The following EP400 variants were observed in gnomAD, a reference collection of about 807,000 sequenced individuals.
EP400 encodes the protein E1A binding protein p400.
EP400 carries 105 observed loss-of-function variants against 354.1 expected under a neutral mutation model. That is an observed-to-expected ratio of 0.30 (90% confidence interval 0.25 to 0.35). The LOEUF (loss-of-function observed/expected upper bound fraction) is 0.35. Ranked by LOEUF, EP400 falls within the 10% of genes least tolerant of loss-of-function variation. The pLI is 1.00. For synonymous variants in EP400, 1,646 were observed against 1,716.9 expected, an observed-to-expected ratio of 0.96 and a Z score of 1.02; for missense variants, 3,280 against 4,121.0, an observed-to-expected ratio of 0.80 and a Z score of 5.59.
chr12:132,017,483 T>C lies in EP400; in HGVS notation c.3924-52T>C, dbSNP rs929246820. On this transcript the variant is annotated intron_variant, in intron 19 of 52. Coordinates refer to ENST00000389561, the MANE Select transcript of EP400 (RefSeq NM_015409.5). The surrounding 1 kb of genome is among the most constrained non-coding windows in gnomAD (Gnocchi z 5.0). ...ACAGTCGATGGTGAGGGTGGGACTATGTCCATGTGCCGTTTGGATTGAATG... is the reference window on the plus strand; with the variant it reads ...ACAGTCGATGGTGAGGGTGGGACTACGTCCATGTGCCGTTTGGATTGAATG... 6.3e-6 allele frequency: 10 copies of C among 1,588,470 alleles called. No individual in the cohort carries two copies. In the Admixed American group the frequency reaches 8.7e-5, roughly 14 times the overall value.
At chr12:131,989,918 C>T (rs755908781) in intron 7 of EP400, 46 bp from the exon 8 acceptor site, 8 of 1,585,880 alleles carry the variant, frequency 5.0e-6, no homozygotes, top group Admixed American at 2.0e-5. Context: ...TTTTTTCCAG[C>T]ATGACATAGA....
At chr12:132,049,183 G>A (rs984084379) in intron 39 of EP400, among the ~76,000 whole-genome samples, 2 of 152,220 alleles carry the variant, frequency 1.3e-5, no homozygotes, top group Non-Finnish European at 2.9e-5. Flanking sequence ...CATGCGGGGC[G>A]GGGCATTCAT....
Position 132,055,173 on chromosome 12 carries a change from C to T in EP400, c.7849C>T (p.Arg2617Cys), listed in dbSNP as rs767424945. ...PAATFQSINK[R>C]LASPVAPGAL... ...TGCCACCTTCCAGTCCATCAACAAG[C>T]GCCTGGCGTCGCCAGTGGCTCCTGG... Residue 2617 changes from arginine to cysteine, a missense_variant, in exon 45 of 53, where the codon CGC becomes TGC. Arg to Cys is a radical substitution (Grantham distance 180, BLOSUM62 -3). Coordinates refer to ENST00000389561, the MANE Select transcript of EP400 (RefSeq NM_015409.5). The T allele has an allele frequency of 1.0e-5, 16 of 1,581,580 alleles. No homozygotes were observed. The highest frequency in any genetic ancestry group is 3.7e-5 in the Admixed American group (2 of 54,134).
chr12:131,982,174 C>G lies in EP400; in HGVS notation c.1625C>G (p.Pro542Arg). The G allele has an allele frequency of 6.2e-7, 1 of 1,611,644 alleles. No homozygotes were observed. The highest frequency in any genetic ancestry group is 1.1e-5 in the South Asian group (1 of 90,966). The change falls in exon 5 of 53, where the codon CCT becomes CGT. Residue 542 changes from proline (P) to arginine (R), a missense_variant. Pro to Arg is a moderately radical substitution (Grantham distance 103, BLOSUM62 -2). Transcript: ENST00000389561. Reference sequence around the variant, plus strand: ...CAGCAGTATGACCCCTCCACGGGGCCTCCCGTGCAGAACGCTGCCAGCTTG... The same window carrying G: ...CAGCAGTATGACCCCTCCACGGGGCGTCCCGTGCAGAACGCTGCCAGCTTG... ...SQQQYDPSTG[P>R]PVQNAASLHT...
intron 52 of EP400, 33 bp from the exon 53 acceptor site, chr12:132,077,368 G>A (rs754620033): frequency 6.3e-7 from 1 of 1,592,570 alleles, no homozygotes; most frequent in Non-Finnish European, 8.6e-7. Context: ...GAGTTTCCTG[G>A]GCAATGTGTG....
chr12:132,074,121 C>T (rs1244504911), intron 51 of EP400, among the ~76,000 whole-genome samples: 1 of 151,810 alleles, frequency 6.6e-6, no homozygotes, highest in Non-Finnish European at 1.5e-5. Context: ...GGTGGGGTTT[C>T]ACCATGTTGG....
At chr12:131,951,783 T>C (rs1891509095) in intron 1 of EP400, among the ~76,000 whole-genome samples, 2 of 150,448 alleles carry the variant, frequency 1.3e-5, no homozygotes, top group Admixed American at 1.3e-4. Context: ...TTTGTATTGT[T>C]TGTTTGTTTT....
chr12:132,006,309 C>G lies in EP400; in HGVS notation c.3126+7C>G, dbSNP rs538322671. On this transcript the variant is annotated splice_region_variant and intron_variant, in intron 14 of 52. Coordinates refer to ENST00000389561, the MANE Select transcript of EP400 (RefSeq NM_015409.5). ...TGCTCGGGTCACAACCTCGGTGAGG[C>G]GCTAAGCTTTCAAGTGTGGGATGGG... The G allele has an allele frequency of 1.6e-5, 26 of 1,613,126 alleles. No homozygotes were observed. The East Asian group carries it at 3.3e-4, about 21-fold the overall frequency.
At chr12:132,014,218 T>G (rs182678493) in intron 19 of EP400, among the ~76,000 whole-genome samples, 11 of 152,322 alleles carry the variant, frequency 7.2e-5, no homozygotes, top group Admixed American at 3.9e-4. Flanking sequence ...AATTTTAGTT[T>G]CCATTCATCC....
In EP400 at chr12:131,990,291, T is replaced by G. The variant is rs1207357462; in HGVS notation, c.2550+187T>G. Among the ~76,000 whole-genome samples the G allele has an allele frequency of 6.6e-6, 1 of 152,188 alleles. No individual in the cohort carries two copies. Among genetic ancestry groups the G allele is most frequent in the African/African-American group, 2.4e-5 (1 of 41,446 alleles). ...GAGCTGCTCGTGCCTCCGTCTGTCT[T>G]GCACAGGGGATGCACCTCAGCTGTG... On this transcript the variant is annotated intron_variant, in intron 8 of 52. Coordinates refer to ENST00000389561, the MANE Select transcript of EP400 (RefSeq NM_015409.5). This position sits in a 1 kb window ranked among gnomAD's most constrained non-coding sequence, Gnocchi z 4.2.
At chr12:132,034,498 A>G (rs760266681) in intron 30 of EP400, among the ~76,000 whole-genome samples, 1 of 152,194 alleles carries the variant, frequency 6.6e-6, no homozygotes, top group Non-Finnish European at 1.5e-5. Context: ...GGTGGTGCCA[A>G]TGTGCTTGCA....
chr12:132,064,707 C>CT lies in EP400; in HGVS notation c.8374_8375insT (p.Pro2792LeufsTer191). 6.2e-7 allele frequency: 1 copy of CT among 1,613,234 alleles called. No homozygotes were observed. The highest frequency in any genetic ancestry group is 8.5e-7 in the Non-Finnish European group (1 of 1,179,480). On this transcript the variant is annotated frameshift_variant, in exon 48 of 53. Coordinates refer to ENST00000389561, the MANE Select transcript of EP400 (RefSeq NM_015409.5). LOFTEE classifies it high-confidence loss of function. Reference sequence around the variant, plus strand: ...AATGCAGAAGCAGAAACTGCAGATGCCCCCGCAGCCCCCACCGCCACAGGC... The same window carrying CT: ...AATGCAGAAGCAGAAACTGCAGATGCTCCCCGCAGCCCCCACCGCCACAGGC...
At chr12:132,020,815 C>G (rs1338821744) in intron 22 of EP400, among the ~76,000 whole-genome samples, 1 of 152,178 alleles carries the variant, frequency 6.6e-6, no homozygotes, top group Non-Finnish European at 1.5e-5. Flanking sequence ...TTTGGTTGGG[C>G]TGACTTCTAA....
At chr12:132,060,929 A>C (rs1284295390) in intron 45 of EP400, among the ~76,000 whole-genome samples, 1 of 143,082 alleles carries the variant, frequency 7.0e-6, no homozygotes, top group Non-Finnish European at 1.5e-5. Context: ...AAAAAAAAAA[A>C]CAAAAAACAA....
intron 2 of EP400, among the ~76,000 whole-genome samples, chr12:131,964,911 C>T (rs1892026155): frequency 6.6e-6 from 1 of 152,200 alleles, no homozygotes. Context: ...GTGTTTCTTT[C>T]CCCCTAGTCC....
At position 132,070,583 on chromosome 12, in the gene EP400, G is replaced by C. The variant is rs1470220113; in HGVS notation, c.9021+942G>C. Among the ~76,000 whole-genome samples, 1 of 152,220 alleles carries C rather than the reference G, an allele frequency of 6.6e-6. No individual in the cohort carries two copies. Among genetic ancestry groups the C allele is most frequent in the Non-Finnish European group, 1.5e-5 (1 of 68,042 alleles). ...TCCACTTCTGTGTTAATTTTAGTTA[G>C]CTTAGTTCATACACTACAATCAAAA... On this transcript the variant is annotated intron_variant, in intron 51 of 52. Transcript: ENST00000389561. This position sits in a 1 kb window ranked among gnomAD's most constrained non-coding sequence, Gnocchi z 4.1.
chr12:132,054,161 A>G lies in EP400; in HGVS notation c.7728+564A>G, dbSNP rs1043975384. Among the ~76,000 whole-genome samples the G allele has an allele frequency of 2.6e-5, 4 of 152,226 alleles. No individual in the cohort carries two copies. Among genetic ancestry groups the G allele is most frequent in the Non-Finnish European group, 4.4e-5 (3 of 68,048 alleles). On this transcript the variant is annotated intron_variant, in intron 43 of 52. Coordinates refer to ENST00000389561, the MANE Select transcript of EP400 (RefSeq NM_015409.5). The surrounding 1 kb of genome is among the most constrained non-coding windows in gnomAD (Gnocchi z 4.0). ...CTGTGTGCGTCCGTGTGCCACACAG[A>G]CGCTGAAATCATATGCGCAGAATCA...
At chr12:131,998,280 A>G (rs1235929508) in intron 12 of EP400, among the ~76,000 whole-genome samples, 1 of 152,208 alleles carries the variant, frequency 6.6e-6, no homozygotes, top group African/African-American at 2.4e-5. Context: ...TTTCAGAAAC[A>G]TGCTAGAATC....
intron 51 of EP400, among the ~76,000 whole-genome samples, chr12:132,069,931 C>T (rs1446221099): frequency 1.3e-5 from 2 of 152,096 alleles, no homozygotes; most frequent in Non-Finnish European, 2.9e-5. Flanking sequence ...TCCTCTTCTC[C>T]CTTCCTGGTG....
Sources: gnomAD v4.1 joint callset for allele counts (sites outside exome capture counted in the v4.1 genomes callset) on GRCh38, gnomAD v4.1.1 for gene constraint, Gnocchi (gnomAD v3.1) non-coding constraint, MANE v1.5 for transcripts, NCBI Gene and HGNC (gene_info 2026-07-23, HGNC 2026-07-21) for gene names.